ANKFY1: variants seen among roughly 807,000 people sequenced by gnomAD.
The protein encoded by ANKFY1 is ankyrin repeat and FYVE domain containing 1.
Under a neutral mutation model 128.3 loss-of-function variants are expected in ANKFY1, and 47 were observed. The observed-to-expected ratio is 0.37, with a 90% CI of 0.29 to 0.47. The LOEUF (loss-of-function observed/expected upper bound fraction) is 0.47, where lower values mean the gene tolerates loss of function less well. ANKFY1 is among the 20% of genes least tolerant of loss of function. ANKFY1 has a pLI of 1.00. For missense variants in ANKFY1, 1,222 were observed against 1,510.6 expected (o/e 0.81, Z 3.17); for synonymous variants, 553 against 601.6 (o/e 0.92, Z 1.18).
At chr17:4,177,001 T>C in intron 19 of ANKFY1, 125 bp downstream of exon 19, 1 of 1,065,222 alleles carries the variant, frequency 9.4e-7, no homozygotes, top group Non-Finnish European at 1.3e-6. Flanking sequence ...TGCACCAGCC[T>C]CGCTCCCCAA....
intron 15 of ANKFY1, 76 bp downstream of exon 15, chr17:4,182,105 T>G: frequency 7.6e-7 from 1 of 1,321,476 alleles, no homozygotes; most frequent in African/African-American, 1.5e-5. Context: ...CTGTGACAGC[T>G]ACGCAGGCAG....
intron 1 of ANKFY1, among the ~76,000 whole-genome samples, chr17:4,260,850 C>A (rs1361125238): frequency 1.3e-5 from 2 of 152,150 alleles, no homozygotes; most frequent in African/African-American, 2.4e-5. Context: ...TTCCTAGGCA[C>A]TATCTCCCAC....
intron 11 of ANKFY1, among the ~76,000 whole-genome samples, chr17:4,185,740 CT>C (rs35568034): frequency 0.85 from 129,491 of 152,060 alleles, 58,255 homozygotes; most frequent in South Asian, 0.99. Flanking sequence ...TTTTATAATT[CT>C]TTTTTTTCTA....
At position 4,222,520 on chromosome 17, in the gene ANKFY1, C is replaced by A; in HGVS notation, c.323-5402G>T. The A allele has an allele frequency of 3.0e-6, 3 of 1,009,806 alleles. No homozygotes were observed. The South Asian group carries it at 3.8e-5, about 13-fold the overall frequency. The allele number at this position is 1,009,806 out of a possible 1,614,324, so 62.6% of individuals were successfully genotyped here. A position where few individuals can be genotyped will look rare whatever the true frequency, so the allele number is the denominator to read the frequency against. ...CATTTCTGTTCAGGGAGAAGTTCTA[C>A]GCACTTTATCAGTATTTCGGGTAGA... On this transcript the variant is annotated intron_variant, in intron 3 of 24. Coordinates refer to ENST00000341657, the MANE Select transcript of ANKFY1 (RefSeq NM_001330063.2).
chr17:4,186,148 T>G (rs1025780820), intron 11 of ANKFY1, among the ~76,000 whole-genome samples: 5 of 152,116 alleles, frequency 3.3e-5, no homozygotes, highest in African/African-American at 1.2e-4. Context: ...TGTGGGCGTG[T>G]CCACGTGTAT....
chr17:4,196,965 A>G (rs550616768), intron 8 of ANKFY1, among the ~76,000 whole-genome samples: 1 of 152,296 alleles, frequency 6.6e-6, no homozygotes, highest in Non-Finnish European at 1.5e-5. Context: ...ACCAAAATAC[A>G]AAAATCAGCC....
chr17:4,244,440 G>A (rs991411950), intron 1 of ANKFY1, among the ~76,000 whole-genome samples: 7 of 152,110 alleles, frequency 4.6e-5, no homozygotes, highest in African/African-American at 1.4e-4. Flanking sequence ...GAGAAGGGAT[G>A]AGATAGGGGG....
chr17:4,186,784 T>C (rs1182278171), intron 11 of ANKFY1: 7 of 984,124 alleles, frequency 7.1e-6, no homozygotes, highest in Non-Finnish European at 8.5e-6. Flanking sequence ...TTGGGTGTGC[T>C]GATCTACTCC....
chr17:4,213,197 T>TG, intron 4 of ANKFY1, among the ~76,000 whole-genome samples: 1 of 152,058 alleles, frequency 6.6e-6, no homozygotes, highest in South Asian at 2.1e-4. Flanking sequence ...GTCAAAGCTT[T>TG]GGGTTTTTTT....
intron 10 of ANKFY1, among the ~76,000 whole-genome samples, chr17:4,190,860 G>A (rs2059703456): frequency 6.6e-6 from 1 of 152,174 alleles, no homozygotes; most frequent in Non-Finnish European, 1.5e-5. Context: ...GTGACAGCCG[G>A]GCACGGTGGC....
At position 4,167,901 on chromosome 17, in the gene ANKFY1, C is replaced by T. The variant is rs770867998; in HGVS notation, c.3388G>A (p.Gly1130Arg). The T allele has an allele frequency of 1.2e-6, 2 of 1,613,186 alleles. No homozygotes were observed. Among genetic ancestry groups the T allele is most frequent in the South Asian group, 1.1e-5 (1 of 91,016 alleles). The change falls in exon 25 of 25, where the codon GGA becomes AGA. Residue 1130 changes from glycine to arginine, a missense_variant. By Grantham distance (125) the Gly-to-Arg change is moderately radical (BLOSUM62 -2). Transcript: ENST00000341657. This position sits in a 1 kb window ranked among gnomAD's most constrained non-coding sequence, Gnocchi z 4.1. ...TTRKHHCRHC[G>R]RLLCHKCSTK... The stretch of plus-strand genomic sequence containing the variant: ...GAGCATTTATGGCAAAGAAGACGTC[C>T]GCAGTGACGACTGTGGAAGCAAAGA...
chr17:4,179,626 T>C, intron 17 of ANKFY1, 95 bp downstream of exon 17: 1 of 1,484,976 alleles, frequency 6.7e-7, no homozygotes, highest in Non-Finnish European at 9.0e-7. Flanking sequence ...CAGCAGCGCC[T>C]GGAACTGGGG....
chr17:4,263,719 C>T, intron 1 of ANKFY1: 1 of 1,483,838 alleles, frequency 6.7e-7, no homozygotes, highest in Non-Finnish European at 8.9e-7. Flanking sequence ...CGCAGTCCCG[C>T]GGGGTCGGCA....
chr17:4,257,529 T>C (rs1199717048), intron 1 of ANKFY1, among the ~76,000 whole-genome samples: 2 of 152,190 alleles, frequency 1.3e-5, no homozygotes, highest in African/African-American at 4.8e-5. Flanking sequence ...CATGTCCCCA[T>C]GTCCAAAGGA....
intron 17 of ANKFY1, chr17:4,179,343 G>A: frequency 1.9e-6 from 1 of 539,540 alleles, no homozygotes; most frequent in East Asian, 3.3e-5. Context: ...TGGCTATAGG[G>A]CCTTATATAT....
intron 2 of ANKFY1, among the ~76,000 whole-genome samples, chr17:4,238,779 A>T (rs1376609517): frequency 6.6e-6 from 1 of 150,878 alleles, no homozygotes; most frequent in Non-Finnish European, 1.5e-5. Flanking sequence ...TTTTTTTTTT[A>T]GACAGGGTCT....
chr17:4,213,200 G>GT lies in ANKFY1; in HGVS notation c.459-3254dup, dbSNP rs200116677. Among the ~76,000 whole-genome samples the GT allele has an allele frequency of 2.7e-3, 408 of 150,758 alleles. 3 individuals are homozygous for GT. Among genetic ancestry groups the GT allele is most frequent in the African/African-American group, 9.2e-3 (378 of 41,042 alleles). ...ACACTAAGATCTGTCAAAGCTTTGG[G>GT]TTTTTTTTGAGACAGAGTGTGCTCT... On this transcript the variant is annotated intron_variant, in intron 4 of 24. Transcript: ENST00000341657.
Position 4,190,229 on chromosome 17 carries a change from C to G in ANKFY1, c.1373-750G>C, listed in dbSNP as rs541715075. Among the ~76,000 whole-genome samples, 182 of 152,160 alleles carry G rather than the reference C, an allele frequency of 1.2e-3. 1 individual carries two copies. The highest frequency in any genetic ancestry group is 2.2e-3 in the Non-Finnish European group (148 of 67,996). On this transcript the variant is annotated intron_variant, in intron 10 of 24. Transcript: ENST00000341657. ...GCCGAGGCAGGCGGATTACTTGATG[C>G]CAGCAGTTTGAGATCAGCCCGGCCG...
At position 4,169,315 on chromosome 17, in the gene ANKFY1, C is replaced by G; in HGVS notation, c.3287-27G>C. The stretch of plus-strand genomic sequence containing the variant: ...TGCAACACAGGGGGGAGGCCCGGTC[C>G]CGTCAAACCGCGACGGCGCCACGCA... On this transcript the variant is annotated intron_variant, in intron 23 of 24. Coordinates refer to ENST00000341657, the MANE Select transcript of ANKFY1 (RefSeq NM_001330063.2). The surrounding 1 kb of genome is among the most constrained non-coding windows in gnomAD (Gnocchi z 5.0). 2 of 1,521,328 alleles carry G rather than the reference C, an allele frequency of 1.3e-6. No homozygotes were observed. Among genetic ancestry groups the G allele is most frequent in the Non-Finnish European group, 1.8e-6 (2 of 1,122,876 alleles). 94.2% of individuals were successfully genotyped at this position (1,521,328 alleles called of 1,614,324 possible).
Sources: allele counts gnomAD v4.1 joint callset (sites outside exome capture counted in the v4.1 genomes callset), GRCh38; gene constraint gnomAD v4.1.1; non-coding constraint Gnocchi (gnomAD v3.1); transcripts MANE v1.5; gene names NCBI Gene and HGNC (gene_info 2026-07-23, HGNC 2026-07-21).